THADA: variants seen among roughly 807,000 people sequenced by gnomAD.
THADA encodes THADA armadillo repeat containing, also known as tRNA (32-2'-O)-methyltransferase regulator THADA.
Under a neutral mutation model 219.8 loss-of-function variants are expected in THADA, and 213 were observed. The ratio of observed to expected loss-of-function variants is 0.97; its 90% CI spans 0.87 to 1.09. The LOEUF (loss-of-function observed/expected upper bound fraction) is 1.09. Ranked by LOEUF, THADA falls within the 50% of genes least tolerant of loss-of-function variation. The pLI is 0.00. For synonymous variants in THADA, 1,018 were observed against 828.9 expected (o/e 1.23, Z -3.92); for missense variants, 2,956 against 2,311.3 (o/e 1.28, Z -5.72).
intron 31 of THADA, among the ~76,000 whole-genome samples, chr2:43,312,337 C>T (rs1323523314): frequency 6.6e-6 from 1 of 152,140 alleles, no homozygotes; most frequent in African/African-American, 2.4e-5. Flanking sequence ...ACACAACTCT[C>T]ACATTATATG....
intron 36 of THADA, among the ~76,000 whole-genome samples, chr2:43,238,063 G>A (rs577227949): frequency 7.7e-5 from 10 of 129,966 alleles, no homozygotes; most frequent in Admixed American, 2.7e-4. Flanking sequence ...AGGTTGCAGT[G>A]AGCCAAGATC....
intron 25 of THADA, among the ~76,000 whole-genome samples, chr2:43,493,177 G>C (rs1369299733): frequency 4.6e-5 from 7 of 152,100 alleles, no homozygotes; most frequent in Admixed American, 1.3e-4. Context: ...AGATTACCCT[G>C]GGGGAAGCAA....
intron 26 of THADA, among the ~76,000 whole-genome samples, chr2:43,438,760 A>C (rs1440689463): frequency 2.0e-5 from 3 of 152,226 alleles, no homozygotes; most frequent in East Asian, 1.9e-4. Flanking sequence ...CTGAAACTGG[A>C]TAGCACTGAA....
rs148831037 is a variant in THADA, at chr2:43,542,139, G to T, written c.3107-823C>A. Among the ~76,000 whole-genome samples the T allele has an allele frequency of 7.5e-4, 114 of 152,110 alleles. 1 individual carries two copies. Among genetic ancestry groups the T allele is most frequent in the African/African-American group, 2.5e-3 (104 of 41,496 alleles). ...CTGATATTTTTTTAAAATCCAAGAT[G>T]AACTATTATATTAAATAAAAGAGCA... On this transcript the variant is annotated intron_variant, in intron 20 of 37. Coordinates refer to ENST00000405975, the MANE Select transcript of THADA (RefSeq NM_022065.5).
Position 43,400,470 on chromosome 2 carries a change from T to TATATATATATATAA in THADA, c.4059-2332_4059-2331insTTATATATATATAT, listed in dbSNP as rs1273903312. Among the ~76,000 whole-genome samples, 420 of 143,430 alleles carry TATATATATATATAA rather than the reference T, an allele frequency of 2.9e-3. 14 individuals are homozygous for TATATATATATATAA. The highest frequency in any genetic ancestry group is 9.5e-3 in the African/African-American group (369 of 38,816). 94.1% of individuals were successfully genotyped at this position (143,430 alleles called of 152,430 possible). ...TCATAGACAAATTTATATATATATA[T>TATATATATATATAA]ATATATAAATATATACACTAAGAAA... On this transcript the variant is annotated intron_variant, in intron 28 of 37. Transcript: ENST00000405975.
intron 28 of THADA, among the ~76,000 whole-genome samples, chr2:43,427,759 A>T (rs1032915873): frequency 6.0e-5 from 9 of 149,742 alleles, no homozygotes; most frequent in African/African-American, 2.2e-4. Flanking sequence ...GATCGAGACC[A>T]TTCTGGCTAA....
intron 30 of THADA, among the ~76,000 whole-genome samples, chr2:43,331,237 G>C (rs964887848): frequency 6.6e-6 from 1 of 152,160 alleles, no homozygotes; most frequent in African/African-American, 2.4e-5. Flanking sequence ...GGTACTCTTA[G>C]CAACATTGGA....
chr2:43,248,162 TATAGAGAGAGAGAG>T (rs1558464350), intron 36 of THADA, among the ~76,000 whole-genome samples: 32 of 44,396 alleles, frequency 7.2e-4, no homozygotes, highest in African/African-American at 1.3e-3. Flanking sequence ...TATATATATA[TATAGAGAGAGAGAG>T]AGAGAGAGAG....
chr2:43,489,365 C>T (rs185043243), intron 25 of THADA, among the ~76,000 whole-genome samples: 9 of 151,992 alleles, frequency 5.9e-5, no homozygotes, highest in African/African-American at 9.6e-5. Flanking sequence ...TAATTTTGAT[C>T]GAGTCTAATT....
rs530885675 is a variant in THADA at position 43,573,606 on chromosome 2, T to C, written c.1730-614A>G. Among the ~76,000 whole-genome samples the C allele has an allele frequency of 4.6e-5, 7 of 152,366 alleles. No homozygotes were observed. The East Asian group carries it at 9.6e-4, about 21-fold the overall frequency. ...AAAAATTACAAATAATGGCTTATTTTTGCATACAGGAATCAAATTTTCCTG... is the reference window on the plus strand; with the variant it reads ...AAAAATTACAAATAATGGCTTATTTCTGCATACAGGAATCAAATTTTCCTG... On this transcript the variant is annotated intron_variant, in intron 11 of 37. Transcript: ENST00000405975.
At chr2:43,413,211 T>C (rs529477935) in intron 28 of THADA, among the ~76,000 whole-genome samples, 1 of 152,314 alleles carries the variant, frequency 6.6e-6, no homozygotes, top group African/African-American at 2.4e-5. Flanking sequence ...CCCTTCCTTC[T>C]TTCTATCCTA....
intron 29 of THADA, among the ~76,000 whole-genome samples, chr2:43,347,104 A>G (rs1667712826): frequency 6.6e-6 from 1 of 152,142 alleles, no homozygotes; most frequent in African/African-American, 2.4e-5. Context: ...GGAAGGCTAG[A>G]TTAGTGCTAA....
intron 21 of THADA, among the ~76,000 whole-genome samples, chr2:43,530,184 A>G (rs1693688779): frequency 6.6e-6 from 1 of 152,194 alleles, no homozygotes; most frequent in African/African-American, 2.4e-5. Context: ...AGTATCCCAA[A>G]GAGTGACAGG....
At chr2:43,553,083 T>C (rs1367923491) in intron 17 of THADA, among the ~76,000 whole-genome samples, 1 of 152,220 alleles carries the variant, frequency 6.6e-6, no homozygotes, top group African/African-American at 2.4e-5. Context: ...TTCCTTCCTA[T>C]AGATGAATAA....
At position 43,251,557 on chromosome 2, in the gene THADA, G is replaced by A. The variant is rs147492493; in HGVS notation, c.5297-18675C>T. 1.1e-3 allele frequency among the ~76,000 whole-genome samples: 174 copies of A among 152,294 alleles called. 2 individuals carry two copies. The East Asian group carries it at 0.03, about 26-fold the overall frequency. ...TGTCTCTGTCAGCGTGCGAAACACCGGTCTGGGAAATACAGCAATCTAAGG... is the reference window on the plus strand; with the variant it reads ...TGTCTCTGTCAGCGTGCGAAACACCAGTCTGGGAAATACAGCAATCTAAGG... On this transcript the variant is annotated intron_variant, in intron 36 of 37. Coordinates refer to ENST00000405975, the MANE Select transcript of THADA (RefSeq NM_022065.5).
At chr2:43,479,451 A>G (rs182454677) in intron 26 of THADA, among the ~76,000 whole-genome samples, 10 of 152,304 alleles carry the variant, frequency 6.6e-5, no homozygotes, top group Non-Finnish European at 1.0e-4. Flanking sequence ...AATAATGGTT[A>G]TTAGTATCAT....
intron 31 of THADA, among the ~76,000 whole-genome samples, chr2:43,313,914 G>T (rs939519318): frequency 6.6e-6 from 1 of 152,234 alleles, no homozygotes; most frequent in African/African-American, 2.4e-5. Context: ...TAGCACACAT[G>T]GGATGTTAGG....
intron 28 of THADA, among the ~76,000 whole-genome samples, chr2:43,410,607 T>C (rs184350550): frequency 6.6e-6 from 1 of 152,212 alleles, no homozygotes; most frequent in East Asian, 1.9e-4. Flanking sequence ...TCAAAATAAT[T>C]ATACTGAGTG....
intron 10 of THADA, among the ~76,000 whole-genome samples, chr2:43,575,943 G>A (rs180735937): frequency 2.0e-5 from 3 of 152,274 alleles, no homozygotes; most frequent in African/African-American, 7.2e-5. Flanking sequence ...TAACTTTTAA[G>A]ATGTTAAAAC....
Sources: allele counts gnomAD v4.1 joint callset (sites outside exome capture counted in the v4.1 genomes callset), GRCh38; gene constraint gnomAD v4.1.1; transcripts MANE v1.5; gene names NCBI Gene and HGNC (gene_info 2026-07-23, HGNC 2026-07-21).